DACT2: variants seen among roughly 807,000 people sequenced by gnomAD.
DACT2 encodes the protein dapper homolog 2.
Under a neutral mutation model 22.2 loss-of-function variants are expected in DACT2, and 20 were observed. That is an observed-to-expected ratio of 0.90 (90% CI 0.63 to 1.31). DACT2 has a LOEUF of 1.31. DACT2 is among the 50% of genes most tolerant of loss of function. DACT2 has a pLI of 0.00. For missense variants in DACT2, 1,048 were observed against 1,061.4 expected (o/e 0.99, Z 0.18); for synonymous variants, 463 against 479.8 (o/e 0.96, Z 0.46).
At chr6:168,315,594 T>C (rs1036899413) in intron 1 of DACT2, among the ~76,000 whole-genome samples, 2 of 152,220 alleles carry the variant, frequency 1.3e-5, no homozygotes, top group Admixed American at 6.5e-5. Context: ...AAAATCCTAC[T>C]AAGCACCCTC....
chr6:168,311,569 A>ATAC (rs1562498471), intron 1 of DACT2, among the ~76,000 whole-genome samples: 1 of 62,836 alleles, frequency 1.6e-5, no homozygotes, highest in African/African-American at 5.6e-5. Context: ...CTCACACACA[A>ATAC]ACACACACAC....
chr6:168,313,372 G>A (rs1779469009), intron 1 of DACT2, among the ~76,000 whole-genome samples: 1 of 152,150 alleles, frequency 6.6e-6, no homozygotes, highest in Non-Finnish European at 1.5e-5. Flanking sequence ...CTGTGAATGT[G>A]AACATGGCAA....
chr6:168,308,225 G>A lies in DACT2; in HGVS notation c.1532C>T (p.Ala511Val), dbSNP rs999302409. The stretch of plus-strand genomic sequence containing the variant: ...GTCCAGTAGAAGCAGCGGCTGCCTT[G>A]CAAACCTCAGCACCTTGTCCATGGG... ...RSPMDKVLRF[A>V]RQPLLLLDRP... Residue 511 changes from alanine (A) to valine (V), a missense_variant, in exon 4 of 4, where the codon GCA (alanine) becomes GTA (valine). By Grantham distance (64) the Ala-to-Val change is moderately conservative. Coordinates refer to ENST00000366795, the MANE Select transcript of DACT2 (RefSeq NM_214462.5). The A allele has an allele frequency of 2.6e-6, 4 of 1,551,746 alleles. No individual in the cohort carries two copies. In the African/African-American group the frequency reaches 5.5e-5, roughly 21 times the overall value.
At chr6:168,299,811 G>C (rs530076613) in intron 3 of DACT2, 1 of 152,426 alleles carries the variant, frequency 6.6e-6, no homozygotes, top group East Asian at 1.9e-4. Flanking sequence ...TTCTACAATA[G>C]CTTCTTTCTG....
In DACT2 at chr6:168,311,128, C is replaced by T. The variant is rs946557849; in HGVS notation, c.379+24G>A. 40 of 1,506,610 alleles carry T rather than the reference C, an allele frequency of 2.7e-5. No individual in the cohort carries two copies. In the East Asian group the frequency reaches 5.0e-4, roughly 19 times the overall value. 93.3% of individuals were successfully genotyped at this position (1,506,610 alleles called of 1,614,324 possible). On this transcript the variant is annotated intron_variant, in intron 2 of 3. Transcript: ENST00000366795. ...TGTGCTGCGTGCCTGCCCCTGTGTC[C>T]GGGAGGTCAGGGCGCCCTGGTACCT...
At chr6:168,300,986 AAAACAAAC>A (rs147606058) in intron 3 of DACT2, among the ~76,000 whole-genome samples, 3 of 151,926 alleles carry the variant, frequency 2.0e-5, no homozygotes, top group African/African-American at 7.3e-5. Flanking sequence ...TCTGTCTCAA[AAAACAAAC>A]AAACAAACAA....
chr6:168,309,419 G>A (rs539497608), intron 3 of DACT2, among the ~76,000 whole-genome samples: 3 of 151,652 alleles, frequency 2.0e-5, no homozygotes, highest in South Asian at 4.2e-4. Flanking sequence ...GGCCGTTTGC[G>A]TGTAGACACA....
intron 1 of DACT2, among the ~76,000 whole-genome samples, chr6:168,312,478 T>C (rs1385384662): frequency 6.6e-6 from 1 of 152,262 alleles, no homozygotes; most frequent in Non-Finnish European, 1.5e-5. Context: ...ATTACAGGCA[T>C]GTGCCTGGCC....
chr6:168,311,569 A>ACTCACAC (rs1562498471), intron 1 of DACT2, among the ~76,000 whole-genome samples: 4,905 of 62,840 alleles, frequency 0.078, 344 homozygotes, highest in African/African-American at 0.26. Flanking sequence ...CTCACACACA[A>ACTCACAC]ACACACACAC....
chr6:168,300,334 A>C (rs898884170), intron 3 of DACT2: 15 of 152,172 alleles, frequency 9.9e-5, no homozygotes, highest in African/African-American at 1.4e-4. Context: ...GGAGGAAGGA[A>C]GCTCTCTCTC....
intron 1 of DACT2, among the ~76,000 whole-genome samples, chr6:168,318,603 G>A (rs945375264): frequency 1.3e-5 from 2 of 152,114 alleles, no homozygotes; most frequent in Admixed American, 6.5e-5. Flanking sequence ...CAGCAACTAC[G>A]AAAACGCTTG....
Position 168,307,055 on chromosome 6 carries a change from G to T in DACT2, c.*377C>A, listed in dbSNP as rs982286754. On this transcript the variant is annotated 3_prime_UTR_variant, in exon 4 of 4. Coordinates refer to ENST00000366795, the MANE Select transcript of DACT2 (RefSeq NM_214462.5). The surrounding 1 kb of genome is among the most constrained non-coding windows in gnomAD (Gnocchi z 5.3). ...GCCTCTTTAAAATGCTTTTGGGGAGGAATGGTCAAAGGATTGGGAAACACT... is the reference window on the plus strand; with the variant it reads ...GCCTCTTTAAAATGCTTTTGGGGAGTAATGGTCAAAGGATTGGGAAACACT... 12 of 1,028,792 alleles carry T rather than the reference G, an allele frequency of 1.2e-5. No individual in the cohort carries two copies. The highest frequency in any genetic ancestry group is 1.4e-5 in the Non-Finnish European group (12 of 857,662). 63.7% of individuals were successfully genotyped at this position (1,028,792 alleles called of 1,614,324 possible). A position where few individuals can be genotyped will look rare whatever the true frequency, so the allele number is the denominator to read the frequency against.
chr6:168,318,259 C>CATCAGGGG (rs1562501117), intron 1 of DACT2, among the ~76,000 whole-genome samples: 2 of 152,384 alleles, frequency 1.3e-5, no homozygotes, highest in South Asian at 4.1e-4. Flanking sequence ...TCTCAGGAGG[C>CATCAGGGG]ATCAGGGGCA....
At chr6:168,310,595 G>A (rs942135631) in intron 2 of DACT2, 149 bp from the exon 3 acceptor site, 44 of 1,126,794 alleles carry the variant, frequency 3.9e-5, no homozygotes, top group Admixed American at 2.1e-4. Flanking sequence ...CCACACGGCC[G>A]GCCTGGGAGA....
chr6:168,316,533 G>A lies in DACT2; in HGVS notation c.246+2855C>T, dbSNP rs555867249. On this transcript the variant is annotated intron_variant, in intron 1 of 3. Transcript: ENST00000366795. ...CTGTCGTGTGCTGAGCTGAGGTCAC[G>A]CAGAAGCTGCGATTGTGTCTGGTGC... Among the ~76,000 whole-genome samples, 51 of 53,358 alleles carry A rather than the reference G, an allele frequency of 9.6e-4. 1 individual carries two copies. Among genetic ancestry groups the A allele is most frequent in the Middle Eastern group, 9.4e-3 (1 of 106 alleles). The allele number at this position is 53,358 out of a possible 152,430, so 35.0% of individuals were successfully genotyped here. A position where few individuals can be genotyped will look rare whatever the true frequency, so the allele number is the denominator to read the frequency against.
In DACT2 at chr6:168,310,452, C is replaced by A; in HGVS notation, c.380-6G>T. On this transcript the variant is annotated splice_region_variant and splice_polypyrimidine_tract_variant and intron_variant, in intron 2 of 3. Transcript: ENST00000366795. The stretch of plus-strand genomic sequence containing the variant: ...GTCGCTCATCTCGTAAAAGCCTGGA[C>A]GGAGCAGACAAGGCAGGTCAGTGAC... 6.5e-7 allele frequency: 1 copy of A among 1,547,408 alleles called. No homozygotes were observed. Among genetic ancestry groups the A allele is most frequent in the South Asian group, 1.2e-5 (1 of 83,274 alleles).
At chr6:168,294,256 C>T (rs1778960692) in intron 4 of DACT2, 1 of 702,728 alleles carries the variant, frequency 1.4e-6, no homozygotes, top group Admixed American at 2.0e-5. Context: ...AGCTCTGTCA[C>T]ATCTGTCCCC....
intron 3 of DACT2, chr6:168,299,437 C>G (rs1212497297): frequency 6.6e-6 from 1 of 152,218 alleles, no homozygotes; most frequent in Non-Finnish European, 1.5e-5. Context: ...ATAACCTCCA[C>G]TGTTTCTAAC....
Position 168,310,077 on chromosome 6 carries a change from G to A in DACT2, c.658+91C>T, listed in dbSNP as rs557102205. The A allele has an allele frequency of 2.0e-6, 3 of 1,504,222 alleles. No homozygotes were observed. The African/African-American group carries it at 4.2e-5, about 21-fold the overall frequency. 93.2% of individuals were successfully genotyped at this position (1,504,222 alleles called of 1,614,324 possible). ...AGCCTGACAGCGTGCTCCGTGTAGGGTCCCCGGCTCTGCCCTCAGCAGCTG... is the reference window on the plus strand; with the variant it reads ...AGCCTGACAGCGTGCTCCGTGTAGGATCCCCGGCTCTGCCCTCAGCAGCTG... On this transcript the variant is annotated intron_variant, in intron 3 of 3. Transcript: ENST00000366795.
Sources: allele counts gnomAD v4.1 joint callset (sites outside exome capture counted in the v4.1 genomes callset), GRCh38; gene constraint gnomAD v4.1.1; non-coding constraint Gnocchi (gnomAD v3.1); transcripts MANE v1.5; gene names NCBI Gene and HGNC (gene_info 2026-07-23, HGNC 2026-07-21).